THSD7A: variants seen among roughly 807,000 people sequenced by gnomAD.
THSD7A encodes thrombospondin type 1 domain containing 7A, also known as thrombospondin type-1 domain-containing protein 7A.
THSD7A carries 96 observed loss-of-function variants against 231.3 expected under a neutral mutation model. The observed-to-expected ratio is 0.41, with a 90% confidence interval of 0.35 to 0.49. The LOEUF is 0.49. Among genes scored for constraint, THSD7A ranks in the 20% least tolerant of loss-of-function variants. The pLI, the probability that THSD7A is intolerant of heterozygous loss-of-function variation, is 0.05. For missense variants in THSD7A, 2,290 were observed against 2,070.2 expected (o/e 1.11, Z -2.06); for synonymous variants, 940 against 743.3 (o/e 1.26, Z -4.30).
rs1000710021 is a variant in THSD7A, at chr7:11,549,105, A to C, written c.1454-5988T>G. Among the ~76,000 whole-genome samples the C allele has an allele frequency of 2.6e-5, 4 of 152,336 alleles. No individual in the cohort carries two copies. The South Asian group carries it at 8.3e-4, about 32-fold the overall frequency. ...GAAAGGGCATGAAAAGACACTTCTC[A>C]AAAGAAGACACTCATGCAGCCAACA... On this transcript the variant is annotated intron_variant, in intron 4 of 27. Coordinates refer to ENST00000423059, the MANE Select transcript of THSD7A (RefSeq NM_015204.3).
chr7:11,600,980 G>T (rs1036322147), intron 2 of THSD7A, among the ~76,000 whole-genome samples: 5 of 152,150 alleles, frequency 3.3e-5, no homozygotes, highest in African/African-American at 1.2e-4. Flanking sequence ...AAATCCCATT[G>T]CTACTCAGTG....
intron 6 of THSD7A, among the ~76,000 whole-genome samples, chr7:11,496,545 G>A (rs1787107847): frequency 6.6e-6 from 1 of 152,048 alleles, no homozygotes; most frequent in African/African-American, 2.4e-5. Context: ...CATGTATGAG[G>A]CCAAATTATC....
chr7:11,581,348 T>C (rs1026798743), intron 4 of THSD7A, among the ~76,000 whole-genome samples: 4 of 152,120 alleles, frequency 2.6e-5, no homozygotes, highest in Admixed American at 6.6e-5. Flanking sequence ...TATTATCCAA[T>C]ATTTTATTAT....
At chr7:11,796,384 G>A (rs1784127359) in intron 1 of THSD7A, among the ~76,000 whole-genome samples, 3 of 150,264 alleles carry the variant, frequency 2.0e-5, no homozygotes, top group South Asian at 2.1e-4. Context: ...TATGTACTCC[G>A]CACATAAACT....
At chr7:11,518,695 G>A (rs907191259) in intron 6 of THSD7A, among the ~76,000 whole-genome samples, 1 of 151,972 alleles carries the variant, frequency 6.6e-6, no homozygotes, top group Admixed American at 6.6e-5. Context: ...CTATGCATGT[G>A]CTATGTGCTT....
At chr7:11,394,757 A>G (rs1783115922) in intron 23 of THSD7A, among the ~76,000 whole-genome samples, 1 of 152,210 alleles carries the variant, frequency 6.6e-6, no homozygotes, top group African/African-American at 2.4e-5. Context: ...TTTGGCAGCT[A>G]TAGCCAGGCA....
chr7:11,610,187 T>C (rs770195772), intron 2 of THSD7A, among the ~76,000 whole-genome samples: 3 of 152,106 alleles, frequency 2.0e-5, no homozygotes, highest in Non-Finnish European at 4.4e-5. Context: ...AAACTGTTAT[T>C]TCCCCTGACA....
intron 1 of THSD7A, among the ~76,000 whole-genome samples, chr7:11,768,642 G>C (rs1176892181): frequency 6.6e-6 from 1 of 152,076 alleles, no homozygotes. Context: ...AGGACAGTGA[G>C]TTCACAGTTT....
intron 16 of THSD7A, 115 bp downstream of exon 16, chr7:11,424,581 A>G: frequency 1.4e-6 from 2 of 1,450,720 alleles, no homozygotes; most frequent in Middle Eastern, 1.9e-4. Flanking sequence ...TAAAAGCAAA[A>G]CTGCAGACAA....
At chr7:11,691,842 A>G (rs912727422) in intron 1 of THSD7A, among the ~76,000 whole-genome samples, 9 of 151,496 alleles carry the variant, frequency 5.9e-5, no homozygotes, top group African/African-American at 2.2e-4. Context: ...TTCTCCTATC[A>G]TAGGAGATAT....
At position 11,760,355 on chromosome 7, in the gene THSD7A, A is replaced by G. The variant is rs148935268; in HGVS notation, c.190+71402T>C. On this transcript the variant is annotated intron_variant, in intron 1 of 27. Coordinates refer to ENST00000423059, the MANE Select transcript of THSD7A (RefSeq NM_015204.3). ...ATAGTGCTTCAAAAATATTAAAGAA[A>G]ACAAATCTGTAGTGGGCAAAAAAAA... Among the ~76,000 whole-genome samples, 293 of 152,220 alleles carry G rather than the reference A, an allele frequency of 1.9e-3. 2 individuals carry two copies. The highest frequency in any genetic ancestry group is 6.9e-3 in the African/African-American group (287 of 41,560).
chr7:11,402,915 T>C (rs1035382615), intron 22 of THSD7A, among the ~76,000 whole-genome samples: 2 of 152,194 alleles, frequency 1.3e-5, no homozygotes, highest in African/African-American at 4.8e-5. Flanking sequence ...ATTGTAAACA[T>C]TTCAGTACAA....
At chr7:11,447,844 T>C (rs1785022847) in intron 11 of THSD7A, among the ~76,000 whole-genome samples, 1 of 152,148 alleles carries the variant, frequency 6.6e-6, no homozygotes, top group Non-Finnish European at 1.5e-5. Flanking sequence ...ATATCTAATA[T>C]TGTTTTATAT....
At chr7:11,379,570 G>A in intron 25 of THSD7A, 60 bp downstream of exon 25, 3 of 1,426,722 alleles carry the variant, frequency 2.1e-6, no homozygotes, top group Non-Finnish European at 2.9e-6. Context: ...AACTGCATAA[G>A]AGACAGTGGG....
At chr7:11,769,120 G>GC (rs1257047459) in intron 1 of THSD7A, among the ~76,000 whole-genome samples, 1,356 of 57,840 alleles carry the variant, frequency 0.023, 162 homozygotes, top group Middle Eastern at 0.075. Context: ...ATAATTCCTG[G>GC]CAATATATAT....
At chr7:11,781,410 T>C (rs1259961387) in intron 1 of THSD7A, among the ~76,000 whole-genome samples, 5 of 152,022 alleles carry the variant, frequency 3.3e-5, no homozygotes, top group Non-Finnish European at 7.4e-5. Context: ...AGCACCACTG[T>C]ACTCTTGCCT....
At chr7:11,762,290 T>C (rs1220552011) in intron 1 of THSD7A, among the ~76,000 whole-genome samples, 1 of 152,132 alleles carries the variant, frequency 6.6e-6, no homozygotes, top group Non-Finnish European at 1.5e-5. Flanking sequence ...GTAATGATAT[T>C]GTTAGTTATT....
intron 1 of THSD7A, among the ~76,000 whole-genome samples, chr7:11,770,379 A>G (rs1029448517): frequency 2.6e-5 from 4 of 152,166 alleles, no homozygotes; most frequent in Non-Finnish European, 5.9e-5. Context: ...GGTTTGCTCA[A>G]AATGTGATCT....
intron 1 of THSD7A, among the ~76,000 whole-genome samples, chr7:11,810,223 C>A (rs1334819214): frequency 6.6e-6 from 1 of 152,106 alleles, no homozygotes; most frequent in Non-Finnish European, 1.5e-5. Flanking sequence ...GGGTAGAGAG[C>A]GAGCTATTCA....
Sources: allele counts gnomAD v4.1 joint callset (sites outside exome capture counted in the v4.1 genomes callset), GRCh38; gene constraint gnomAD v4.1.1; transcripts MANE v1.5; gene names NCBI Gene and HGNC (gene_info 2026-07-23, HGNC 2026-07-21).